The following SPATS2L variants were observed in gnomAD, a reference collection of about 807,000 sequenced individuals.
SPATS2L encodes the protein SPATS2-like protein.
In SPATS2L, 30 loss-of-function variants were observed where a neutral mutation model predicts 59.6. That is an observed-to-expected ratio of 0.50 (90% CI 0.38 to 0.68). SPATS2L has a LOEUF of 0.68. SPATS2L is among the 30% of genes least tolerant of loss of function. The pLI, the probability that SPATS2L is intolerant of heterozygous loss-of-function variation, is 0.00. For missense variants in SPATS2L, 615 were observed against 700.0 expected (o/e 0.88, Z 1.37); for synonymous variants, 252 against 263.5 (o/e 0.96, Z 0.42).
intron 6 of SPATS2L, among the ~76,000 whole-genome samples, chr2:200,435,230 G>C (rs1467581489): frequency 2.0e-5 from 3 of 152,070 alleles, no homozygotes; most frequent in Non-Finnish European, 2.9e-5. Flanking sequence ...TGATACTCAG[G>C]ACATTATATA....
chr2:200,379,259 G>A lies in SPATS2L; in HGVS notation c.-22-9964G>A, dbSNP rs749551822. Among the ~76,000 whole-genome samples, 11 of 152,318 alleles carry A rather than the reference G, an allele frequency of 7.2e-5. 1 individual carries two copies. Among genetic ancestry groups the A allele is most frequent in the Non-Finnish European group, 1.3e-4 (9 of 68,034 alleles). On this transcript the variant is annotated intron_variant, in intron 2 of 12. Coordinates refer to ENST00000409140, the MANE Select transcript of SPATS2L (RefSeq NM_001100423.2). Reference sequence around the variant, plus strand: ...GTACTGAATAACTTTGTGACTTAGTGAGTAGCTTACCTCTCTGTGCTCATG... The same window carrying A: ...GTACTGAATAACTTTGTGACTTAGTAAGTAGCTTACCTCTCTGTGCTCATG...
chr2:200,358,344 C>T (rs2080984122), intron 2 of SPATS2L, among the ~76,000 whole-genome samples: 1 of 152,056 alleles, frequency 6.6e-6, no homozygotes, highest in Admixed American at 6.6e-5. Flanking sequence ...AATGCTTGGA[C>T]TTCTTTTTCT....
At chr2:200,365,019 T>C (rs2081225654) in intron 2 of SPATS2L, among the ~76,000 whole-genome samples, 1 of 152,236 alleles carries the variant, frequency 6.6e-6, no homozygotes, top group African/African-American at 2.4e-5. Flanking sequence ...ATTGATGTCC[T>C]TCAGGTCAGT....
intron 5 of SPATS2L, 135 bp downstream of exon 5, chr2:200,416,563 C>G: frequency 2.4e-6 from 1 of 417,798 alleles, no homozygotes; most frequent in Non-Finnish European, 4.3e-6. Context: ...CTTCCAAATT[C>G]ATGACTCTCG....
At chr2:200,427,473 A>G (rs2083645537) in intron 6 of SPATS2L, among the ~76,000 whole-genome samples, 1 of 149,176 alleles carries the variant, frequency 6.7e-6, no homozygotes, top group African/African-American at 2.4e-5. Flanking sequence ...CATATATAAC[A>G]TGCATATACA....
In SPATS2L at chr2:200,480,014, A is replaced by G. The variant is rs1416823628; in HGVS notation, c.*1983A>G. On this transcript the variant is annotated 3_prime_UTR_variant, in exon 13 of 13. Transcript: ENST00000409140. ...CCCATCTGAGGCCCTGAATTCATAT[A>G]TTACAAGACGGAAGGATTTTGCACA... is the stretch of plus-strand genomic sequence containing the variant. The G allele has an allele frequency of 1.2e-5, 4 of 333,656 alleles. No homozygotes were observed. The highest frequency in any genetic ancestry group is 7.8e-4 in the Middle Eastern group (1 of 1,278). The allele number at this position is 333,656 out of a possible 1,614,324, so 20.7% of individuals were successfully genotyped here.
At chr2:200,449,203 GT>G (rs1559142328) in intron 8 of SPATS2L, among the ~76,000 whole-genome samples, 1 of 152,174 alleles carries the variant, frequency 6.6e-6, no homozygotes, top group African/African-American at 2.4e-5. Flanking sequence ...TGCAATAGAT[GT>G]TTCCCCAGGG....
chr2:200,336,069 T>C lies in SPATS2L; in HGVS notation c.-23+6589T>C, dbSNP rs530932526. ...CAAAACCTCACAAACTAGCAGAATTTTTAAAAGATTCTGGAAAGAATTCTC... is the reference window on the plus strand; with the variant it reads ...CAAAACCTCACAAACTAGCAGAATTCTTAAAAGATTCTGGAAAGAATTCTC... On this transcript the variant is annotated intron_variant, in intron 2 of 12. Transcript: ENST00000409140. 8.5e-5 allele frequency among the ~76,000 whole-genome samples: 13 copies of C among 152,360 alleles called. No homozygotes were observed. In the South Asian group the frequency reaches 2.5e-3, roughly 29 times the overall value.
intron 2 of SPATS2L, among the ~76,000 whole-genome samples, chr2:200,359,846 A>C (rs2081038859): frequency 6.6e-6 from 1 of 152,156 alleles, no homozygotes; most frequent in African/African-American, 2.4e-5. Context: ...GGGCCCTTCC[A>C]GTCCAGCTGA....
intron 1 of SPATS2L, chr2:200,309,118 T>C: frequency 1.4e-6 from 1 of 717,820 alleles, no homozygotes; most frequent in South Asian, 1.5e-5. Context: ...ACATCAGAAG[T>C]TAAGCTTTAG....
rs753538685 is a variant in SPATS2L at position 200,419,384 on chromosome 2, C to T, written c.333C>T (p.Cys111=). The change falls in exon 6 of 13, where the codon TGC becomes TGT. Residue 111 remains cysteine, a synonymous_variant. Coordinates refer to ENST00000409140, the MANE Select transcript of SPATS2L (RefSeq NM_001100423.2). ...PQIQNGPMNG[C]EKDSSSTDSA... Reference sequence around the variant, plus strand: ...TTCAAAACGGCCCCATGAATGGCTGCGAGAAGGACAGCTCGTCCACAGATT... The same window carrying T: ...TTCAAAACGGCCCCATGAATGGCTGTGAGAAGGACAGCTCGTCCACAGATT... The T allele has an allele frequency of 2.5e-6, 4 of 1,613,068 alleles. No homozygotes were observed. The highest frequency in any genetic ancestry group is 1.7e-5 in the Admixed American group (1 of 59,894).
chr2:200,462,940 C>CAAG (rs1457908462), intron 9 of SPATS2L, among the ~76,000 whole-genome samples: 3 of 150,676 alleles, frequency 2.0e-5, no homozygotes, highest in Non-Finnish European at 4.4e-5. Context: ...ATAATAATAA[C>CAAG]AATAATAATA....
chr2:200,406,834 TAAATG>T (rs2082703602), intron 3 of SPATS2L, among the ~76,000 whole-genome samples: 1 of 152,180 alleles, frequency 6.6e-6, no homozygotes, highest in Non-Finnish European at 1.5e-5. Context: ...AGTAAATAAT[TAAATG>T]AAAGAAGAAG....
At chr2:200,316,662 A>G (rs2079390050) in intron 1 of SPATS2L, among the ~76,000 whole-genome samples, 1 of 152,180 alleles carries the variant, frequency 6.6e-6, no homozygotes, top group Non-Finnish European at 1.5e-5. Flanking sequence ...TGTCTCCTGC[A>G]TTCCCAAGTC....
At chr2:200,382,716 T>G (rs1181479162) in intron 2 of SPATS2L, among the ~76,000 whole-genome samples, 2 of 152,162 alleles carry the variant, frequency 1.3e-5, no homozygotes, top group African/African-American at 4.8e-5. Context: ...TGCTTCAGTT[T>G]CCACGTATGT....
chr2:200,431,713 AAAGAG>A (rs1192450748), intron 6 of SPATS2L, among the ~76,000 whole-genome samples: 1 of 152,230 alleles, frequency 6.6e-6, no homozygotes, highest in Non-Finnish European at 1.5e-5. Context: ...AGTAAAAACT[AAAGAG>A]AAAACAATCT....
chr2:200,453,332 G>A lies in SPATS2L; in HGVS notation c.789-6437G>A, dbSNP rs539173619. ...CTCCTGACCCTGGGAATAAAGAACC[G>A]TACGGTCTTTCTGCATTTGTGGCTG... On this transcript the variant is annotated intron_variant, in intron 8 of 12. Transcript: ENST00000409140. Among the ~76,000 whole-genome samples, 336 of 152,334 alleles carry A rather than the reference G, an allele frequency of 2.2e-3. 1 individual carries two copies. Among genetic ancestry groups the A allele is most frequent in the African/African-American group, 7.8e-3 (325 of 41,572 alleles).
chr2:200,359,113 G>A (rs2081015041), intron 2 of SPATS2L, among the ~76,000 whole-genome samples: 1 of 152,110 alleles, frequency 6.6e-6, no homozygotes, highest in Admixed American at 6.5e-5. Context: ...AGCAAATCAG[G>A]ATAAAAAACT....
chr2:200,442,523 T>C (rs1191968357), intron 8 of SPATS2L, among the ~76,000 whole-genome samples: 1 of 151,642 alleles, frequency 6.6e-6, no homozygotes, highest in Admixed American at 6.6e-5. Context: ...GAGGCATTAG[T>C]TAGCTGTTCA....
Sources: gnomAD v4.1 joint callset for allele counts (sites outside exome capture counted in the v4.1 genomes callset) on GRCh38, gnomAD v4.1.1 for gene constraint, MANE v1.5 for transcripts, NCBI Gene and HGNC (gene_info 2026-07-23, HGNC 2026-07-21) for gene names.